The following NRXN3 variants were observed in gnomAD, a reference collection of about 807,000 sequenced individuals.
NRXN3 encodes neurexin III.
Under a neutral mutation model 137.6 loss-of-function variants are expected in NRXN3, and 32 were observed. That is an observed-to-expected ratio of 0.23 (90% CI 0.18 to 0.31). NRXN3 has a LOEUF of 0.31. NRXN3 is among the 10% of genes least tolerant of loss of function. The pLI is 1.00. For missense variants in NRXN3, 1,574 were observed against 2,062.5 expected (o/e 0.76, Z 4.59); for synonymous variants, 798 against 784.5 (o/e 1.02, Z -0.29).
chr14:78,766,074 C>T (rs531021408), intron 8 of NRXN3, among the ~76,000 whole-genome samples: 1 of 152,318 alleles, frequency 6.6e-6, no homozygotes, highest in Non-Finnish European at 1.5e-5. Context: ...CCAGAGATAA[C>T]TCCAGTGAGA....
intron 10 of NRXN3, among the ~76,000 whole-genome samples, chr14:78,820,257 A>T (rs1213307664): frequency 1.3e-5 from 2 of 148,490 alleles, no homozygotes; most frequent in South Asian, 2.1e-4. Context: ...TATATATATA[A>T]ATTGCAGTTG....
intron 19 of NRXN3, among the ~76,000 whole-genome samples, chr14:79,741,960 T>C (rs1279687921): frequency 6.6e-6 from 1 of 152,228 alleles, no homozygotes; most frequent in Non-Finnish European, 1.5e-5. Context: ...CTAATGTTTC[T>C]ATAAAACACC....
intron 16 of NRXN3, among the ~76,000 whole-genome samples, chr14:79,494,056 T>A (rs2096742772): frequency 6.6e-6 from 1 of 152,214 alleles, no homozygotes; most frequent in South Asian, 2.1e-4. Context: ...GTATAAAAAG[T>A]GTATTTTAAT....
At chr14:79,196,654 T>TAC (rs1491069609) in intron 15 of NRXN3, among the ~76,000 whole-genome samples, 6 of 149,534 alleles carry the variant, frequency 4.0e-5, no homozygotes, top group African/African-American at 1.2e-4. Flanking sequence ...TAGATAGATA[T>TAC]AGATATAGAT....
chr14:79,526,935 A>T (rs566115499), intron 16 of NRXN3, among the ~76,000 whole-genome samples: 31 of 152,310 alleles, frequency 2.0e-4, no homozygotes, highest in African/African-American at 7.2e-4. Context: ...GCAAAACATA[A>T]CAGAACCCAG....
chr14:78,450,519 G>A (rs1224012100), intron 4 of NRXN3, among the ~76,000 whole-genome samples: 5 of 152,012 alleles, frequency 3.3e-5, no homozygotes, highest in Admixed American at 6.6e-5. Flanking sequence ...GATGATTTTC[G>A]CACGCTTTAC....
At chr14:79,572,491 TGA>T (rs1166429985) in intron 16 of NRXN3, among the ~76,000 whole-genome samples, 4 of 152,200 alleles carry the variant, frequency 2.6e-5, no homozygotes, top group Non-Finnish European at 5.9e-5. Flanking sequence ...TTAGTACACT[TGA>T]GTCCAAAGGA....
chr14:79,199,932 T>A (rs2153208993), intron 15 of NRXN3: 1 of 152,234 alleles, frequency 6.6e-6, no homozygotes, highest in Middle Eastern at 3.4e-3. Context: ...TCAGTATATA[T>A]TTTGAGAACC....
chr14:79,790,940 C>T (rs1304796009), intron 19 of NRXN3, among the ~76,000 whole-genome samples: 3 of 152,096 alleles, frequency 2.0e-5, no homozygotes, highest in African/African-American at 7.2e-5. Context: ...TGAGCCACCT[C>T]ACCCGGTCCA....
At chr14:78,734,335 G>A (rs1013336764) in intron 8 of NRXN3, among the ~76,000 whole-genome samples, 5 of 151,796 alleles carry the variant, frequency 3.3e-5, no homozygotes, top group African/African-American at 1.2e-4. Flanking sequence ...TGAAAAGAAA[G>A]TCATTTTATC....
At chr14:79,810,368 T>C (rs1043042058) in intron 20 of NRXN3, among the ~76,000 whole-genome samples, 3 of 152,268 alleles carry the variant, frequency 2.0e-5, no homozygotes, top group East Asian at 3.9e-4. Flanking sequence ...GGACAGCACT[T>C]CCACCAGAGG....
rs1394081828 is a variant in NRXN3, at chr14:78,225,974, G to GTGTTGGGGTGT, written c.-703-16417_-703-16416insTGTTGGGGTGT. Among the ~76,000 whole-genome samples the GTGTTGGGGTGT allele has an allele frequency of 2.0e-3, 244 of 123,716 alleles. 1 individual carries two copies. Among genetic ancestry groups the GTGTTGGGGTGT allele is most frequent in the African/African-American group, 7.1e-3 (232 of 32,502 alleles). The allele number at this position is 123,716 out of a possible 152,430, so 81.2% of individuals were successfully genotyped here. A position where few individuals can be genotyped will look rare whatever the true frequency, so the allele number is the denominator to read the frequency against. Reference sequence around the variant, plus strand: ...TTTGGTGTGTGTGTGTGTGTGTGTTGGTGTGTGTGTGTGTGTGTGTGTGTG... The same window carrying GTGTTGGGGTGT: ...TTTGGTGTGTGTGTGTGTGTGTGTTGTGTTGGGGTGTGTGTGTGTGTGTGTGTGTGTGTGTG... On this transcript the variant is annotated intron_variant, in intron 1 of 20. Coordinates refer to ENST00000335750, the MANE Select transcript of NRXN3 (RefSeq NM_001330195.2).
chr14:78,534,890 G>A (rs1029001388), intron 4 of NRXN3, among the ~76,000 whole-genome samples: 31 of 152,080 alleles, frequency 2.0e-4, no homozygotes, highest in African/African-American at 7.5e-4. Flanking sequence ...TGTACTTTTA[G>A]TGATAATAGT....
chr14:78,471,342 A>C, intron 4 of NRXN3, among the ~76,000 whole-genome samples: 1 of 148,064 alleles, frequency 6.8e-6, no homozygotes, highest in African/African-American at 2.5e-5. Context: ...ACCCCCAAGA[A>C]ATTCACCTCT....
At chr14:78,352,121 T>G (rs2153595776) in intron 4 of NRXN3, among the ~76,000 whole-genome samples, 1 of 151,382 alleles carries the variant, frequency 6.6e-6, no homozygotes, top group Non-Finnish European at 1.5e-5. Flanking sequence ...TAGCAGGCAT[T>G]GCCTTATATT....
At chr14:79,680,608 A>G (rs568505872) in intron 17 of NRXN3, among the ~76,000 whole-genome samples, 1 of 152,106 alleles carries the variant, frequency 6.6e-6, no homozygotes, top group Non-Finnish European at 1.5e-5. Flanking sequence ...AAGGGTATTC[A>G]TACCCTGCAG....
At chr14:79,650,187 A>G (rs1462679983) in intron 16 of NRXN3, among the ~76,000 whole-genome samples, 1 of 152,186 alleles carries the variant, frequency 6.6e-6, no homozygotes, top group Non-Finnish European at 1.5e-5. Flanking sequence ...GTGAGAGTAT[A>G]GGAGAAACTG....
At chr14:78,973,863 C>T (rs536025297) in intron 14 of NRXN3, among the ~76,000 whole-genome samples, 1 of 152,186 alleles carries the variant, frequency 6.6e-6, no homozygotes, top group Admixed American at 6.5e-5. Context: ...GCAAAGGTAA[C>T]GTTCAAAAAA....
At chr14:79,422,827 G>A (rs896310649) in intron 15 of NRXN3, among the ~76,000 whole-genome samples, 1 of 151,328 alleles carries the variant, frequency 6.6e-6, no homozygotes, top group Non-Finnish European at 1.5e-5. Flanking sequence ...AGCCTCCCGA[G>A]TAGCTGGGAC....
Sources: allele counts gnomAD v4.1 joint callset (sites outside exome capture counted in the v4.1 genomes callset), GRCh38; gene constraint gnomAD v4.1.1; transcripts MANE v1.5; gene names NCBI Gene and HGNC (gene_info 2026-07-23, HGNC 2026-07-21).